Variants in DIAPH2 observed in about 807,000 individuals in gnomAD.
DIAPH2 encodes the protein diaphanous related formin 2, also known as protein diaphanous homolog 2.
A neutral mutation model predicts 92.7 loss-of-function variants in DIAPH2; 35 were observed. The observed-to-expected ratio is 0.38, with a 90% CI of 0.29 to 0.50. DIAPH2 has a LOEUF of 0.50. Ranked by LOEUF, DIAPH2 falls within the 20% of genes least tolerant of loss-of-function variation. DIAPH2 has a pLI of 0.94. For missense variants in DIAPH2, 701 were observed against 819.5 expected (o/e 0.86, Z 1.77); for synonymous variants, 301 against 280.4 (o/e 1.07, Z -0.73).
At chrX:97,232,845 TCTC>T (rs1419501335) in intron 22 of DIAPH2, among the ~76,000 whole-genome samples, 2 of 112,081 alleles carry the variant, frequency 1.8e-5, no homozygotes, top group African/African-American at 6.5e-5. Flanking sequence ...CTAGGTTTGT[TCTC>T]CTCAAATCCC....
intron 9 of DIAPH2, among the ~76,000 whole-genome samples, chrX:96,920,142 A>G (rs1315681798): frequency 9.0e-6 from 1 of 110,952 alleles, no homozygotes; most frequent in Non-Finnish European, 1.9e-5. Context: ...TGGCCTCCCA[A>G]AGTGCTGGGA....
chrX:96,884,594 A>G lies in DIAPH2; in HGVS notation c.587+2876A>G, dbSNP rs2065245175. 3 of 1,208,137 alleles carry G rather than the reference A, an allele frequency of 2.5e-6. No individual in the cohort carries two copies. Among genetic ancestry groups the G allele is most frequent in the African/African-American group, 1.8e-5 (1 of 56,620 alleles). The stretch of plus-strand genomic sequence containing the variant: ...TCAAATCACATTTGTTACAAAATTG[A>G]TGATATGACCGCGAAACCAATCGAG... On this transcript the variant is annotated intron_variant, in intron 5 of 26. Coordinates refer to ENST00000324765, the MANE Select transcript of DIAPH2 (RefSeq NM_006729.5).
intron 17 of DIAPH2, among the ~76,000 whole-genome samples, chrX:97,046,389 A>G (rs2066484660): frequency 9.0e-6 from 1 of 110,918 alleles, no homozygotes; most frequent in Admixed American, 9.6e-5. Context: ...ATGCAAGTTT[A>G]TTTGCTGGTG....
intron 4 of DIAPH2, among the ~76,000 whole-genome samples, chrX:96,784,345 G>C (rs909074475): frequency 8.9e-6 from 1 of 111,869 alleles, no homozygotes; most frequent in African/African-American, 3.2e-5. Context: ...TTGTCTACTT[G>C]TTTGAATCAA....
intron 4 of DIAPH2, among the ~76,000 whole-genome samples, chrX:96,814,923 C>T (rs6620174): frequency 0.1 from 11,361 of 110,764 alleles, 535 homozygotes; most frequent in East Asian, 0.32. Context: ...GAGGGTCACC[C>T]GCCTGTATTA....
intron 26 of DIAPH2, among the ~76,000 whole-genome samples, chrX:97,516,120 C>T (rs1051290997): frequency 2.7e-5 from 3 of 110,175 alleles, no homozygotes; most frequent in African/African-American, 9.9e-5. Flanking sequence ...GGTGTGGTGG[C>T]ACACGCCTAC....
In DIAPH2 at chrX:96,695,101, C is replaced by T. The variant is rs1433265897; in HGVS notation, c.132+9911C>T. Reference sequence around the variant, plus strand: ...TAGCTGGTATCACAGGTGTACATCACCCCACCCGGCTAATTTTTTGTGTGT... The same window carrying T: ...TAGCTGGTATCACAGGTGTACATCATCCCACCCGGCTAATTTTTTGTGTGT... On this transcript the variant is annotated intron_variant, in intron 1 of 26. Transcript: ENST00000324765. 6.3e-5 allele frequency among the ~76,000 whole-genome samples: 7 copies of T among 111,176 alleles called. No individual in the cohort carries two copies. In the Admixed American group the frequency reaches 6.7e-4, roughly 11 times the overall value.
chrX:96,831,618 A>G (rs923387457), intron 4 of DIAPH2, among the ~76,000 whole-genome samples: 1 of 112,665 alleles, frequency 8.9e-6, no homozygotes, highest in African/African-American at 3.2e-5. Flanking sequence ...ATACTTGTAG[A>G]TCAATTGAAT....
intron 25 of DIAPH2, among the ~76,000 whole-genome samples, chrX:97,429,030 A>G (rs1465520372): frequency 1.8e-5 from 2 of 112,032 alleles, no homozygotes; most frequent in Admixed American, 1.9e-4. Flanking sequence ...GCAGCATTCT[A>G]AAAAGGAAGT....
At chrX:96,931,533 G>A (rs1369199135) in intron 10 of DIAPH2, among the ~76,000 whole-genome samples, 1 of 110,311 alleles carries the variant, frequency 9.1e-6, no homozygotes, top group Non-Finnish European at 1.9e-5. Flanking sequence ...TTCTGCTAGT[G>A]TCTTTAAGCT....
intron 3 of DIAPH2, among the ~76,000 whole-genome samples, chrX:96,740,748 C>G (rs1184165622): frequency 1.8e-5 from 2 of 111,700 alleles, no homozygotes; most frequent in Non-Finnish European, 1.9e-5. Flanking sequence ...GGTCTTCCTC[C>G]CATCCTCCAG....
chrX:96,816,479 A>G (rs1185196461), intron 4 of DIAPH2, among the ~76,000 whole-genome samples: 1 of 112,687 alleles, frequency 8.9e-6, no homozygotes, highest in Non-Finnish European at 1.9e-5. Flanking sequence ...AAGATGCTCA[A>G]CATCATTGAT....
intron 22 of DIAPH2, among the ~76,000 whole-genome samples, chrX:97,145,491 C>G (rs1361108339): frequency 9.1e-6 from 1 of 109,665 alleles, no homozygotes; most frequent in Admixed American, 9.7e-5. Flanking sequence ...TTTGGTAAAT[C>G]CTTTTATATA....
intron 26 of DIAPH2, among the ~76,000 whole-genome samples, chrX:97,536,457 C>T: frequency 8.9e-6 from 1 of 112,222 alleles, no homozygotes; most frequent in Non-Finnish European, 1.9e-5. Flanking sequence ...AATTTATCCT[C>T]AACATTTTGA....
intron 17 of DIAPH2, among the ~76,000 whole-genome samples, chrX:97,028,294 T>A (rs981348173): frequency 9.0e-6 from 1 of 111,536 alleles, no homozygotes; most frequent in African/African-American, 3.3e-5. Flanking sequence ...GTTACTCTAC[T>A]GAAACTACTC....
At chrX:97,189,591 C>A (rs989819781) in intron 22 of DIAPH2, among the ~76,000 whole-genome samples, 7 of 110,456 alleles carry the variant, frequency 6.3e-5, no homozygotes, top group Non-Finnish European at 1.3e-4. Context: ...AAACCATTTT[C>A]TTTATTAAAA....
chrX:97,082,321 A>T (rs771797996), intron 19 of DIAPH2, among the ~76,000 whole-genome samples: 42 of 108,791 alleles, frequency 3.9e-4, no homozygotes, highest in African/African-American at 1.3e-3. Flanking sequence ...GAATTTCCTC[A>T]TAAGTGTAAA....
intron 25 of DIAPH2, among the ~76,000 whole-genome samples, chrX:97,386,920 T>A (rs190152236): frequency 3.5e-3 from 389 of 110,788 alleles, no homozygotes; most frequent in African/African-American, 0.012. Context: ...TTTCTCCTAA[T>A]GGTATCTTTC....
At position 97,283,511 on chromosome X, in the gene DIAPH2, G is replaced by A. The variant is rs181146360; in HGVS notation, c.2844+35672G>A. Among the ~76,000 whole-genome samples the A allele has an allele frequency of 5.7e-3, 640 of 112,234 alleles. 2 individuals carry two copies. The highest frequency in any genetic ancestry group is 0.02 in the African/African-American group (604 of 30,954). ...TATCTTACGTCTAACAATGGCTAAT[G>A]AATCTTTAAAGAGAGGACTACTCCC... On this transcript the variant is annotated intron_variant, in intron 23 of 26. Transcript: ENST00000324765.
Sources: gnomAD v4.1 joint callset for allele counts (sites outside exome capture counted in the v4.1 genomes callset) on GRCh38, gnomAD v4.1.1 for gene constraint, MANE v1.5 for transcripts, NCBI Gene and HGNC (gene_info 2026-07-23, HGNC 2026-07-21) for gene names.